Variants in FGF14 observed in about 807,000 individuals in gnomAD.
The protein encoded by FGF14 is fibroblast growth factor 14, also known as fibroblast growth factor homologous factor 4.
In FGF14, 5 loss-of-function variants were observed where a neutral mutation model predicts 25.5. That is an observed-to-expected ratio of 0.20 (90% CI 0.10 to 0.41). The LOEUF (loss-of-function observed/expected upper bound fraction) is 0.41. FGF14 is among the 10% of genes least tolerant of loss of function. FGF14 has a pLI of 1.00. For synonymous variants in FGF14, 138 were observed against 118.3 expected, an observed-to-expected ratio of 1.17 and a Z score of -1.08; for missense variants, 222 against 320.1, an observed-to-expected ratio of 0.69 and a Z score of 2.34.
chr13:101,997,031 C>T (rs1443337805), intron 1 of FGF14, among the ~76,000 whole-genome samples: 1 of 152,212 alleles, frequency 6.6e-6, no homozygotes, highest in Non-Finnish European at 1.5e-5. Flanking sequence ...ATGAGAAGGG[C>T]TTCTGCAGCC....
chr13:102,266,857 C>A (rs1398808463), intron 1 of FGF14, among the ~76,000 whole-genome samples: 1 of 151,698 alleles, frequency 6.6e-6, no homozygotes, highest in Non-Finnish European at 1.5e-5. Context: ...GCAAATTACA[C>A]AAAAGTAAAG....
intron 3 of FGF14, among the ~76,000 whole-genome samples, chr13:101,739,559 A>G (rs2036408616): frequency 1.3e-5 from 2 of 152,204 alleles, no homozygotes; most frequent in South Asian, 4.1e-4. Context: ...GACTAAGAGC[A>G]GCGTGAAGAA....
At chr13:101,755,863 C>T (rs2037612947) in intron 3 of FGF14, among the ~76,000 whole-genome samples, 1 of 152,174 alleles carries the variant, frequency 6.6e-6, no homozygotes, top group African/African-American at 2.4e-5. Context: ...TCTCAACCCA[C>T]ATACACTTTT....
At chr13:102,298,601 T>C (rs1325261340) in intron 1 of FGF14, among the ~76,000 whole-genome samples, 1 of 152,200 alleles carries the variant, frequency 6.6e-6, no homozygotes, top group Non-Finnish European at 1.5e-5. Flanking sequence ...GTTTTTATTT[T>C]ACACTGTTTT....
chr13:102,197,753 T>C (rs2049428821), intron 1 of FGF14, among the ~76,000 whole-genome samples: 1 of 152,074 alleles, frequency 6.6e-6, no homozygotes, highest in Non-Finnish European at 1.5e-5. Flanking sequence ...CAAAATATAT[T>C]ATGATAAAAG....
At chr13:102,296,497 G>A (rs1289531771) in intron 1 of FGF14, among the ~76,000 whole-genome samples, 1 of 152,130 alleles carries the variant, frequency 6.6e-6, no homozygotes, top group East Asian at 1.9e-4. Flanking sequence ...AAGGCAATTA[G>A]CAACTAAATT....
intron 1 of FGF14, among the ~76,000 whole-genome samples, chr13:102,396,717 C>T (rs2058593598): frequency 1.3e-5 from 2 of 152,200 alleles, no homozygotes; most frequent in Admixed American, 1.3e-4. Flanking sequence ...CAGCCAAAGT[C>T]ATCTTCATTG....
chr13:101,815,763 T>C (rs1313231059), intron 3 of FGF14, among the ~76,000 whole-genome samples: 1 of 151,972 alleles, frequency 6.6e-6, no homozygotes, highest in Middle Eastern at 3.2e-3. Flanking sequence ...CTAAGCACTT[T>C]ATCAAGAAGA....
At chr13:102,126,111 A>G (rs2045937907) in intron 1 of FGF14, among the ~76,000 whole-genome samples, 2 of 152,140 alleles carry the variant, frequency 1.3e-5, no homozygotes. Flanking sequence ...TATACAGTTC[A>G]GTGGCATTAA....
At chr13:102,366,468 C>T (rs1433804565) in intron 1 of FGF14, 1 of 152,026 alleles carries the variant, frequency 6.6e-6, no homozygotes, top group African/African-American at 2.4e-5. Context: ...GCATGGTATT[C>T]AGGACATGAT....
chr13:102,370,620 A>G (rs2057850899), intron 1 of FGF14, among the ~76,000 whole-genome samples: 1 of 152,132 alleles, frequency 6.6e-6, no homozygotes, highest in Non-Finnish European at 1.5e-5. Flanking sequence ...GTTAATTTTG[A>G]TAAAATCATT....
chr13:101,778,490 G>C lies in FGF14; in HGVS notation c.409-51680C>G, dbSNP rs79072316. 5.7e-3 allele frequency among the ~76,000 whole-genome samples: 872 copies of C among 152,238 alleles called. 9 individuals are homozygous for C. Among genetic ancestry groups the C allele is most frequent in the African/African-American group, 0.019 (807 of 41,558 alleles). ...CCATTCCTGCAGGCAGCCTCTTCCT[G>C]GCAGTCAGGCTGGGCTCCTTGCTGA... On this transcript the variant is annotated intron_variant, in intron 3 of 4. Coordinates refer to ENST00000376143, the MANE Select transcript of FGF14 (RefSeq NM_004115.4).
intron 1 of FGF14, among the ~76,000 whole-genome samples, chr13:102,150,829 G>A (rs1037051757): frequency 1.3e-5 from 2 of 152,194 alleles, no homozygotes; most frequent in African/African-American, 4.8e-5. Flanking sequence ...TGTAGATAGA[G>A]ATCTGGGTGC....
chr13:102,109,128 C>G (rs2045084880), intron 1 of FGF14, among the ~76,000 whole-genome samples: 1 of 152,168 alleles, frequency 6.6e-6, no homozygotes, highest in African/African-American at 2.4e-5. Context: ...AAAAATATCA[C>G]AGTCCCCAGA....
intron 1 of FGF14, among the ~76,000 whole-genome samples, chr13:102,008,768 T>C (rs1437363178): frequency 6.6e-6 from 1 of 152,180 alleles, no homozygotes; most frequent in African/African-American, 2.4e-5. Flanking sequence ...ATCTATTTAA[T>C]ATAAATCAAA....
intron 1 of FGF14, among the ~76,000 whole-genome samples, chr13:102,145,068 ATTTGGGTTGCCAACAGTTATTAT>A (rs1465147041): frequency 6.6e-6 from 1 of 152,132 alleles, no homozygotes; most frequent in Non-Finnish European, 1.5e-5. Flanking sequence ...GTGATGGGTG[ATTTGGGTTGCCAACAGTTATTAT>A]TTTCTTTCTT....
At chr13:102,185,543 C>CTA (rs147785213) in intron 1 of FGF14, among the ~76,000 whole-genome samples, 10,790 of 152,158 alleles carry the variant, frequency 0.071, 1,258 homozygotes, top group African/African-American at 0.24. Flanking sequence ...TATGCATATT[C>CTA]TATACTCACA....
intron 1 of FGF14, among the ~76,000 whole-genome samples, chr13:102,037,843 G>C (rs1431984055): frequency 1.3e-5 from 2 of 152,104 alleles, no homozygotes; most frequent in Admixed American, 1.3e-4. Flanking sequence ...CCAATGCACA[G>C]CAAGTCAACT....
At chr13:101,737,612 G>A (rs933405576) in intron 3 of FGF14, among the ~76,000 whole-genome samples, 13 of 151,688 alleles carry the variant, frequency 8.6e-5, no homozygotes, top group African/African-American at 3.1e-4. Context: ...GACATATTTT[G>A]GAAAAAAACC....
Sources: gnomAD v4.1 joint callset for allele counts (sites outside exome capture counted in the v4.1 genomes callset) on GRCh38, gnomAD v4.1.1 for gene constraint, MANE v1.5 for transcripts, NCBI Gene and HGNC (gene_info 2026-07-23, HGNC 2026-07-21) for gene names.